SOX5: variants seen among roughly 807,000 people sequenced by gnomAD.
The protein encoded by SOX5 is transcription factor SOX-5.
In SOX5, 9 loss-of-function variants were observed where a neutral mutation model predicts 92.0. The observed-to-expected ratio is 0.10, with a 90% CI of 0.06 to 0.17. The LOEUF (loss-of-function observed/expected upper bound fraction) is 0.17, where lower values mean the gene tolerates loss of function less well. Among genes scored for constraint, SOX5 ranks in the 10% least tolerant of loss-of-function variants. SOX5 has a pLI of 1.00. For synonymous variants in SOX5, 344 were observed against 336.3 expected, an observed-to-expected ratio of 1.02 and a Z score of -0.25; for missense variants, 642 against 944.5, an observed-to-expected ratio of 0.68 and a Z score of 4.20.
intron 1 of SOX5, among the ~76,000 whole-genome samples, chr12:24,376,689 C>CTTTTTTTTTTT (rs1480014070): frequency 6.4e-5 from 6 of 93,084 alleles, no homozygotes; most frequent in Admixed American, 1.3e-4. Context: ...GGGAGAGATA[C>CTTTTTTTTTTT]CTTTTTTTTT....
intron 2 of SOX5, among the ~76,000 whole-genome samples, chr12:24,296,920 T>C (rs565204095): frequency 2.6e-3 from 279 of 107,954 alleles, no homozygotes; most frequent in Middle Eastern, 0.013. Context: ...TGGCCCTACA[T>C]AGACAGACAG....
chr12:24,042,227 T>G (rs1956592429), intron 4 of SOX5, among the ~76,000 whole-genome samples: 1 of 152,052 alleles, frequency 6.6e-6, no homozygotes, highest in African/African-American at 2.4e-5. Flanking sequence ...CAATACAAGT[T>G]TTAGGTAGCC....
rs2074795725 is a variant in SOX5 at position 23,603,445 on chromosome 12, A to AATATATATATATATATATATAAAATAT, written c.1164+941_1164+942insATATTTTATATATATATATATATATAT. On this transcript the variant is annotated intron_variant, in intron 9 of 14. Coordinates refer to ENST00000451604, the MANE Select transcript of SOX5 (RefSeq NM_006940.6). ...TTCAGCAAAATAAATATATATATAAAATATATATATATATATATATATTTT... is the reference window on the plus strand; with the variant it reads ...TTCAGCAAAATAAATATATATATAAAATATATATATATATATATATAAAATATATATATATATATATATATATATTTT... Among the ~76,000 whole-genome samples the AATATATATATATATATATATAAAATAT allele has an allele frequency of 4.0e-5, 5 of 124,854 alleles. No homozygotes were observed. The East Asian group carries it at 8.9e-4, about 22-fold the overall frequency. 81.9% of individuals were successfully genotyped at this position (124,854 alleles called of 152,430 possible).
chr12:24,211,471 G>T lies in SOX5; in HGVS notation c.-2+1872C>A, dbSNP rs186954157. On this transcript the variant is annotated intron_variant, in intron 4 of 4. Transcript: ENST00000446891. ...TCTAGCTAAACAGAAAACTTCTCCA[G>T]GGAAATGACTCTATCAAAAACATTT... 5.8e-4 allele frequency among the ~76,000 whole-genome samples: 88 copies of T among 152,222 alleles called. 1 individual carries two copies. Among genetic ancestry groups the T allele is most frequent in the Non-Finnish European group, 1.0e-3 (68 of 68,006 alleles).
intron 1 of SOX5, among the ~76,000 whole-genome samples, chr12:24,376,809 T>G (rs1957332366): frequency 6.9e-6 from 1 of 144,974 alleles, no homozygotes. Context: ...TAGGCTCAGG[T>G]GATCCTCCCA....
At chr12:24,071,502 T>G (rs960552172) in intron 4 of SOX5, among the ~76,000 whole-genome samples, 7 of 152,222 alleles carry the variant, frequency 4.6e-5, no homozygotes, top group African/African-American at 1.4e-4. Flanking sequence ...TGGCGCGATC[T>G]CGGCTCACTG....
At chr12:24,426,918 T>A (rs1161136272) in intron 1 of SOX5, among the ~76,000 whole-genome samples, 1 of 152,202 alleles carries the variant, frequency 6.6e-6, no homozygotes. Flanking sequence ...TGATCACTCA[T>A]CACTCTTCAA....
At chr12:23,969,252 A>C (rs1370002306) in intron 4 of SOX5, among the ~76,000 whole-genome samples, 1 of 152,188 alleles carries the variant, frequency 6.6e-6, no homozygotes, top group Non-Finnish European at 1.5e-5. Flanking sequence ...AGTCCAAAGC[A>C]TCACCATCTG....
chr12:24,367,059 T>C (rs1170494724), intron 2 of SOX5, among the ~76,000 whole-genome samples: 4 of 152,150 alleles, frequency 2.6e-5, no homozygotes, highest in Non-Finnish European at 4.4e-5. Context: ...GAAAATCCAT[T>C]TTGCTTAAGT....
chr12:24,419,147 A>G, intron 1 of SOX5, among the ~76,000 whole-genome samples: 1 of 151,986 alleles, frequency 6.6e-6, no homozygotes, highest in East Asian at 1.9e-4. Context: ...TTTAAGACAA[A>G]GTCTTGCTCT....
At chr12:23,718,745 A>C (rs1192245898) in intron 6 of SOX5, among the ~76,000 whole-genome samples, 1 of 152,196 alleles carries the variant, frequency 6.6e-6, no homozygotes, top group Non-Finnish European at 1.5e-5. Flanking sequence ...TCAAGTTTCA[A>C]AATGAAAGCA....
intron 4 of SOX5, among the ~76,000 whole-genome samples, chr12:24,161,972 G>A (rs958979710): frequency 1.3e-5 from 2 of 152,136 alleles, no homozygotes; most frequent in African/African-American, 4.8e-5. Flanking sequence ...TATGGTTAAT[G>A]GGAAAATTTA....
intron 4 of SOX5, among the ~76,000 whole-genome samples, chr12:24,146,679 T>C (rs973024959): frequency 6.7e-6 from 1 of 148,934 alleles, no homozygotes; most frequent in Non-Finnish European, 1.5e-5. Context: ...TAAACTAAGA[T>C]CTGATTCTTT....
At chr12:24,284,544 C>T (rs1445202067) in intron 2 of SOX5, among the ~76,000 whole-genome samples, 3 of 152,168 alleles carry the variant, frequency 2.0e-5, no homozygotes, top group Admixed American at 6.5e-5. Flanking sequence ...AAACCCTCAT[C>T]AACCACATCC....
intron 1 of SOX5, among the ~76,000 whole-genome samples, chr12:24,534,527 T>C (rs752613085): frequency 6.6e-6 from 1 of 152,228 alleles, no homozygotes; most frequent in African/African-American, 2.4e-5. Context: ...CAGCACATTT[T>C]TTAAAAAATC....
chr12:24,097,799 T>C (rs951341846), intron 4 of SOX5, among the ~76,000 whole-genome samples: 4 of 152,162 alleles, frequency 2.6e-5, no homozygotes, highest in East Asian at 3.8e-4. Context: ...ACTTCCACTG[T>C]TGCATATTCC....
At chr12:24,003,402 A>C (rs4581552) in intron 4 of SOX5, among the ~76,000 whole-genome samples, 143,261 of 151,798 alleles carry the variant, frequency 0.94, 68,139 homozygotes, top group South Asian at 1. Flanking sequence ...ATCCTATATG[A>C]AGAAAATCTG....
intron 1 of SOX5, among the ~76,000 whole-genome samples, chr12:23,922,693 C>T (rs1053443403): frequency 1.3e-5 from 2 of 152,192 alleles, no homozygotes; most frequent in Admixed American, 1.3e-4. Context: ...AAAATAAGTT[C>T]AAGTGCTATT....
chr12:24,547,044 TA>T (rs925388597), intron 1 of SOX5, among the ~76,000 whole-genome samples: 8 of 152,104 alleles, frequency 5.3e-5, no homozygotes, highest in African/African-American at 1.9e-4. Flanking sequence ...ACTGTATTAC[TA>T]AACTGATTTA....
Sources: gnomAD v4.1 joint callset for allele counts (sites outside exome capture counted in the v4.1 genomes callset) on GRCh38, gnomAD v4.1.1 for gene constraint, MANE v1.5 for transcripts, NCBI Gene and HGNC (gene_info 2026-07-23, HGNC 2026-07-21) for gene names.